TOGARAM1: variants seen among roughly 807,000 people sequenced by gnomAD.
The protein encoded by TOGARAM1 is TOG array regulator of axonemal microtubules protein 1.
A neutral mutation model predicts 166.6 loss-of-function variants in TOGARAM1; 100 were observed. The ratio of observed to expected loss-of-function variants is 0.60; its 90% CI spans 0.51 to 0.71. The LOEUF (loss-of-function observed/expected upper bound fraction) is 0.71, where lower values mean the gene tolerates loss of function less well. TOGARAM1 is among the 30% of genes least tolerant of loss of function. TOGARAM1 has a pLI of 0.00. For synonymous variants in TOGARAM1, 758 were observed against 763.8 expected, an observed-to-expected ratio of 0.99 and a Z score of 0.13; for missense variants, 2,029 against 2,102.7, an observed-to-expected ratio of 0.96 and a Z score of 0.69.
At chr14:45,039,291 A>G (rs1484970590) in intron 11 of TOGARAM1, among the ~76,000 whole-genome samples, 1 of 152,134 alleles carries the variant, frequency 6.6e-6, no homozygotes, top group South Asian at 2.1e-4. Context: ...GAGGACGTGC[A>G]TATTGATTGG....
rs1327029343 is a variant in TOGARAM1, at chr14:45,066,730, A to G, written c.4712A>G (p.Glu1571Gly). The change falls in exon 17 of 20, where the codon GAA (glutamate) becomes GGA (glycine). Residue 1571 changes from glutamate to glycine, a missense_variant. By Grantham distance (98) the Glu-to-Gly change is moderately conservative (BLOSUM62 -2). Around this residue, in one of 2 missense-constraint regions of TOGARAM1, gnomAD observed 576 missense variants for 670.5 expected, o/e 0.86. Coordinates refer to ENST00000361462, the MANE Select transcript of TOGARAM1 (RefSeq NM_001308120.2). ...NGIKQLLSDT[E>G]NNQDLVVGNI... Reference sequence around the variant, plus strand: ...ATTAAGCAGCTTTTATCAGATACAGAAAATAATCAAGACCTTGTTGTTGGA... The same window carrying G: ...ATTAAGCAGCTTTTATCAGATACAGGAAATAATCAAGACCTTGTTGTTGGA... 1 of 1,613,252 alleles carries G rather than the reference A, an allele frequency of 6.2e-7. No individual in the cohort carries two copies. The highest frequency in any genetic ancestry group is 1.3e-5 in the African/African-American group (1 of 74,894).
intron 16 of TOGARAM1, among the ~76,000 whole-genome samples, chr14:45,055,510 G>A (rs943279705): frequency 6.6e-6 from 1 of 151,960 alleles, no homozygotes; most frequent in African/African-American, 2.4e-5. Flanking sequence ...TTTTGCTTAA[G>A]GTTGCTTTGG....
chr14:44,983,775 C>G (rs1566607926), intron 1 of TOGARAM1, among the ~76,000 whole-genome samples: 1 of 152,028 alleles, frequency 6.6e-6, no homozygotes, highest in East Asian at 1.9e-4. Context: ...ATTTAATTTT[C>G]TTTTTAAAAT....
chr14:45,041,180 A>G lies in TOGARAM1; in HGVS notation c.3813-2506A>G, dbSNP rs1881706783. ...CACTTTGGGAGGCCAAGGCGGGCAGATCACTTGAGGTCAGGAGTTCGAGAT... is the reference window on the plus strand; with the variant it reads ...CACTTTGGGAGGCCAAGGCGGGCAGGTCACTTGAGGTCAGGAGTTCGAGAT... On this transcript the variant is annotated intron_variant, in intron 11 of 19. Coordinates refer to ENST00000361462, the MANE Select transcript of TOGARAM1 (RefSeq NM_001308120.2). 2.0e-5 allele frequency among the ~76,000 whole-genome samples: 3 copies of G among 152,164 alleles called. 1 individual carries two copies. The South Asian group carries it at 6.2e-4, about 32-fold the overall frequency.
chr14:45,052,098 T>A (rs1040268635), intron 14 of TOGARAM1, among the ~76,000 whole-genome samples: 5 of 152,216 alleles, frequency 3.3e-5, no homozygotes, highest in African/African-American at 1.2e-4. Context: ...TGTGGCTCGC[T>A]GCTGCTGCCC....
chr14:45,010,560 G>A (rs991454761), intron 6 of TOGARAM1, among the ~76,000 whole-genome samples: 1 of 152,148 alleles, frequency 6.6e-6, no homozygotes, highest in African/African-American at 2.4e-5. Context: ...CATTTTATAT[G>A]ATTTGGATAC....
chr14:45,062,077 C>A (rs935901946), intron 16 of TOGARAM1, among the ~76,000 whole-genome samples: 2 of 152,018 alleles, frequency 1.3e-5, no homozygotes, highest in Non-Finnish European at 2.9e-5. Context: ...TATTTTATAT[C>A]TACTTGAAAG....
intron 16 of TOGARAM1, among the ~76,000 whole-genome samples, chr14:45,061,052 A>T (rs1377187085): frequency 1.3e-5 from 2 of 152,146 alleles, no homozygotes; most frequent in Non-Finnish European, 2.9e-5. Flanking sequence ...TTTGCCTAAT[A>T]ATGATCTATT....
intron 5 of TOGARAM1, chr14:45,006,515 AT>A: frequency 3.3e-6 from 1 of 300,532 alleles, no homozygotes; most frequent in East Asian, 6.4e-5. Flanking sequence ...CTATGCATAC[AT>A]TATTCCTTTT....
chr14:45,054,634 G>T, intron 16 of TOGARAM1, 85 bp downstream of exon 16: 1 of 934,856 alleles, frequency 1.1e-6, no homozygotes, highest in Non-Finnish European at 1.6e-6. Flanking sequence ...ACTACCCCAG[G>T]GGTATTTGCC....
At chr14:44,978,963 A>ATC (rs1157911237) in intron 1 of TOGARAM1, among the ~76,000 whole-genome samples, 1 of 149,922 alleles carries the variant, frequency 6.7e-6, no homozygotes, top group Non-Finnish European at 1.5e-5. Flanking sequence ...GCAAGATCCC[A>ATC]TCTCTCTCTC....
Position 44,975,345 on chromosome 14 carries a change from T to G in TOGARAM1, c.2046+10878T>G, listed in dbSNP as rs1510518. 4.9e-3 allele frequency among the ~76,000 whole-genome samples: 753 copies of G among 152,330 alleles called. 29 individuals are homozygous for G. The highest frequency in any genetic ancestry group is 0.043 in the Admixed American group (665 of 15,304). ...GGGAATAGCTATGTCTAATATAAGTTAATAGATTGTATTAGTTTTAGTGTC... is the reference window on the plus strand; with the variant it reads ...GGGAATAGCTATGTCTAATATAAGTGAATAGATTGTATTAGTTTTAGTGTC... On this transcript the variant is annotated intron_variant, in intron 1 of 19. Coordinates refer to ENST00000361462, the MANE Select transcript of TOGARAM1 (RefSeq NM_001308120.2).
At chr14:45,026,421 G>A (rs73348079) in intron 8 of TOGARAM1, among the ~76,000 whole-genome samples, 16,931 of 151,934 alleles carry the variant, frequency 0.11, 1,342 homozygotes, top group African/African-American at 0.23. Flanking sequence ...TAGAATAAAC[G>A]TTTTGAAAAA....
chr14:44,985,235 A>G (rs1886730969), intron 1 of TOGARAM1, among the ~76,000 whole-genome samples: 2 of 152,178 alleles, frequency 1.3e-5, no homozygotes. Flanking sequence ...GTTAGTCTCG[A>G]ACTCCTGACT....
At chr14:45,056,942 TTTTA>T (rs146332872) in intron 16 of TOGARAM1, among the ~76,000 whole-genome samples, 3,895 of 151,840 alleles carry the variant, frequency 0.026, 187 homozygotes, top group African/African-American at 0.088. Flanking sequence ...TAAGTTTTTG[TTTTA>T]TTTATTTATT....
Position 45,066,678 on chromosome 14 carries a change from A to G in TOGARAM1, c.4660A>G (p.Lys1554Glu), listed in dbSNP as rs780558292. ...LKLITGLLNA[K>E]DFRDRINGIK... The stretch of plus-strand genomic sequence containing the variant: ...ACTCATAACTGGCTTATTAAATGCA[A>G]AAGACTTTCGTGATCGTATTAATGG... The change falls in exon 17 of 20, where the codon AAA (lysine) becomes GAA (glutamate). Residue 1554 changes from lysine to glutamate, a missense_variant. Transcript: ENST00000361462. 1 of 1,614,024 alleles carries G rather than the reference A, an allele frequency of 6.2e-7. No homozygotes were observed. The highest frequency in any genetic ancestry group is 1.1e-5 in the South Asian group (1 of 91,074).
chr14:44,988,109 G>A (rs1886940915), intron 1 of TOGARAM1, among the ~76,000 whole-genome samples: 1 of 139,180 alleles, frequency 7.2e-6, no homozygotes, highest in Non-Finnish European at 1.5e-5. Flanking sequence ...CTGCTGTGAG[G>A]TGGGGGGAGG....
At position 45,041,190 on chromosome 14, in the gene TOGARAM1, G is replaced by A. The variant is rs1881707555; in HGVS notation, c.3813-2496G>A. Among the ~76,000 whole-genome samples, 3 of 152,084 alleles carry A rather than the reference G, an allele frequency of 2.0e-5. No individual in the cohort carries two copies. The South Asian group carries it at 6.2e-4, about 32-fold the overall frequency. On this transcript the variant is annotated intron_variant, in intron 11 of 19. Coordinates refer to ENST00000361462, the MANE Select transcript of TOGARAM1 (RefSeq NM_001308120.2). ...GGCCAAGGCGGGCAGATCACTTGAG[G>A]TCAGGAGTTCGAGATCACCTGGCCA...
chr14:44,964,847 A>G (rs1396814151), intron 1 of TOGARAM1, among the ~76,000 whole-genome samples: 1 of 151,746 alleles, frequency 6.6e-6, no homozygotes, highest in Non-Finnish European at 1.5e-5. Flanking sequence ...GAAAAAGGTC[A>G]GACCTGGGAA....
Sources: allele counts gnomAD v4.1 joint callset (sites outside exome capture counted in the v4.1 genomes callset), GRCh38; gene constraint gnomAD v4.1.1; regional missense constraint gnomAD v4.1.1; transcripts MANE v1.5; gene names NCBI Gene and HGNC (gene_info 2026-07-23, HGNC 2026-07-21).